PAX5: variants seen among roughly 807,000 people sequenced by gnomAD.
The protein encoded by PAX5 is paired box 5.
A neutral mutation model predicts 43.7 loss-of-function variants in PAX5; 9 were observed. The observed-to-expected ratio is 0.21, with a 90% CI of 0.12 to 0.36. PAX5 has a LOEUF of 0.36. Among genes scored for constraint, PAX5 ranks in the 10% least tolerant of loss-of-function variants. The pLI, the probability that PAX5 is intolerant of heterozygous loss-of-function variation, is 1.00. For missense variants in PAX5, 383 were observed against 532.7 expected (o/e 0.72, Z 2.77); for synonymous variants, 228 against 214.3 (o/e 1.06, Z -0.56).
At chr9:37,024,674 G>A (rs1016833608) in intron 1 of PAX5, among the ~76,000 whole-genome samples, 2 of 152,190 alleles carry the variant, frequency 1.3e-5, no homozygotes, top group African/African-American at 4.8e-5. Flanking sequence ...GATTGAAAAT[G>A]GGAGGGAGCA....
In PAX5 at chr9:36,990,269, T is replaced by C. The variant is rs73648184; in HGVS notation, c.604+12379A>G. Among the ~76,000 whole-genome samples the C allele has an allele frequency of 7.6e-3, 1,153 of 152,306 alleles. 11 individuals carry two copies. Among genetic ancestry groups the C allele is most frequent in the Middle Eastern group, 0.027 (8 of 294 alleles). On this transcript the variant is annotated intron_variant, in intron 5 of 9. Transcript: ENST00000358127. Reference sequence around the variant, plus strand: ...CAATTGGGAAACTGAGGCTCAGAGATTGGTCCAAGATTCCAGGAGTAGTCA... The same window carrying C: ...CAATTGGGAAACTGAGGCTCAGAGACTGGTCCAAGATTCCAGGAGTAGTCA...
intron 8 of PAX5, among the ~76,000 whole-genome samples, chr9:36,853,817 C>T (rs1823392474): frequency 6.6e-6 from 1 of 152,254 alleles, no homozygotes; most frequent in Non-Finnish European, 1.5e-5. Context: ...GAGGTGTTTT[C>T]AGCTTCCCCT....
In PAX5 at chr9:36,837,586, C is replaced by T. The variant is rs1387205387; in HGVS notation, c.*2974G>A. On this transcript the variant is annotated 3_prime_UTR_variant, in exon 10 of 10. Coordinates refer to ENST00000358127, the MANE Select transcript of PAX5 (RefSeq NM_016734.3). ...CTTGTGTCCTTTGGAGCCATCCTCA[C>T]CAAGCTCCCAGGCAGCTCCGCTGGA... 4.3e-6 allele frequency: 1 copy of T among 233,210 alleles called. No individual in the cohort carries two copies. The highest frequency in any genetic ancestry group is 2.2e-5 in the African/African-American group (1 of 45,344). 14.4% of individuals were successfully genotyped at this position (233,210 alleles called of 1,614,324 possible).
chr9:36,880,340 A>G (rs1486783961), intron 8 of PAX5, among the ~76,000 whole-genome samples: 2 of 152,228 alleles, frequency 1.3e-5, no homozygotes, highest in African/African-American at 2.4e-5. Flanking sequence ...CCAGGGATGC[A>G]CACACCAGTG....
chr9:36,953,444 A>G (rs1432771185), intron 6 of PAX5, among the ~76,000 whole-genome samples: 1 of 152,238 alleles, frequency 6.6e-6, no homozygotes, highest in South Asian at 2.1e-4. Context: ...TCCTTCCGGC[A>G]ACCTAATTAT....
intron 2 of PAX5, among the ~76,000 whole-genome samples, chr9:37,018,872 T>C (rs1042712676): frequency 6.6e-6 from 1 of 152,104 alleles, no homozygotes; most frequent in African/African-American, 2.4e-5. Flanking sequence ...CCATGGGAGA[T>C]TTGGAGGCTC....
intron 7 of PAX5, among the ~76,000 whole-genome samples, chr9:36,911,088 C>A (rs1829243517): frequency 6.6e-6 from 1 of 152,170 alleles, no homozygotes; most frequent in Non-Finnish European, 1.5e-5. Context: ...AGCTGGGCAC[C>A]ACTCCCTGAG....
chr9:37,020,836 G>A (rs752082351), intron 1 of PAX5, 35 bp from the exon 2 acceptor site: 3 of 1,610,570 alleles, frequency 1.9e-6, no homozygotes, highest in Admixed American at 3.3e-5. Flanking sequence ...AAAGGGAAAG[G>A]GTAGTTAGAA....
intron 9 of PAX5, among the ~76,000 whole-genome samples, chr9:36,845,025 A>G (rs565036345): frequency 6.6e-6 from 1 of 152,356 alleles, no homozygotes; most frequent in South Asian, 2.1e-4. Flanking sequence ...GCCCCGTGCC[A>G]GGGCTCAGGG....
intron 7 of PAX5, among the ~76,000 whole-genome samples, chr9:36,903,813 G>T (rs1008047469): frequency 6.6e-6 from 1 of 152,050 alleles, no homozygotes; most frequent in Non-Finnish European, 1.5e-5. Context: ...CATCAGTCCC[G>T]GCCCCTACAC....
chr9:37,005,640 A>G (rs993919390), intron 4 of PAX5, among the ~76,000 whole-genome samples: 8 of 152,234 alleles, frequency 5.3e-5, no homozygotes, highest in African/African-American at 1.9e-4. Flanking sequence ...AAGAAGGAAT[A>G]ACAAAAGTGT....
chr9:37,023,831 C>G (rs1211484538), intron 1 of PAX5, among the ~76,000 whole-genome samples: 1 of 152,120 alleles, frequency 6.6e-6, no homozygotes, highest in African/African-American at 2.4e-5. Context: ...CAAACAGGGG[C>G]ACAGGGAAAG....
At chr9:36,884,694 C>A (rs923996213) in intron 7 of PAX5, among the ~76,000 whole-genome samples, 4 of 152,142 alleles carry the variant, frequency 2.6e-5, no homozygotes, top group Non-Finnish European at 4.4e-5. Flanking sequence ...AGGGGGAAAC[C>A]CAAGATTATA....
chr9:36,973,161 A>G (rs2048486545), intron 5 of PAX5, among the ~76,000 whole-genome samples: 2 of 105,094 alleles, frequency 1.9e-5, no homozygotes, highest in African/African-American at 3.2e-5. Flanking sequence ...AAAGGAAAGG[A>G]AAGGAAAGGA....
chr9:36,906,162 C>T (rs1828807082), intron 7 of PAX5, among the ~76,000 whole-genome samples: 1 of 152,146 alleles, frequency 6.6e-6, no homozygotes, highest in African/African-American at 2.4e-5. Context: ...CCACCCCCCA[C>T]CCCAGGATGT....
Position 37,015,417 on chromosome 9 carries a change from A to C in PAX5, c.213-223T>G, listed in dbSNP as rs1292523833. On this transcript the variant is annotated intron_variant, in intron 2 of 9. Transcript: ENST00000358127. The surrounding 1 kb of genome is among the most constrained non-coding windows in gnomAD (Gnocchi z 4.4). ...CCAAATTTTTAAAACTTAGTACCAA[A>C]AGAAGTAAAATATCTCAATAATTTT... Among the ~76,000 whole-genome samples the C allele has an allele frequency of 6.6e-6, 1 of 152,198 alleles. No individual in the cohort carries two copies. Among genetic ancestry groups the C allele is most frequent in the Non-Finnish European group, 1.5e-5 (1 of 68,036 alleles).
rs879682947 is a variant in PAX5 at position 36,839,693 on chromosome 9, G to A, written c.*867C>T. On this transcript the variant is annotated 3_prime_UTR_variant, in exon 10 of 10. Transcript: ENST00000358127. ...TGGCTGGGATCAGATGATCTCCTGC[G>A]TCCCATCCAGCCCTCACATTCAAAG... is the stretch of plus-strand genomic sequence containing the variant. The A allele has an allele frequency of 2.6e-5, 6 of 233,200 alleles. No individual in the cohort carries two copies. Among genetic ancestry groups the A allele is most frequent in the South Asian group, 1.8e-4 (1 of 5,528 alleles). 14.4% of individuals were successfully genotyped at this position (233,200 alleles called of 1,614,324 possible). A position where few individuals can be genotyped will look rare whatever the true frequency, so the allele number is the denominator to read the frequency against.
intron 7 of PAX5, among the ~76,000 whole-genome samples, chr9:36,919,952 C>A (rs1430711454): frequency 1.3e-5 from 2 of 150,388 alleles, no homozygotes; most frequent in African/African-American, 2.5e-5. Context: ...TCATGGATGA[C>A]TTTGAGGGCT....
intron 8 of PAX5, among the ~76,000 whole-genome samples, chr9:36,874,572 A>G (rs1056265434): frequency 1.3e-5 from 2 of 152,186 alleles, no homozygotes; most frequent in African/African-American, 4.8e-5. Flanking sequence ...ATAGCCAAGC[A>G]CACATGGTTC....
Sources: gnomAD v4.1 joint callset for allele counts (sites outside exome capture counted in the v4.1 genomes callset) on GRCh38, gnomAD v4.1.1 for gene constraint, Gnocchi (gnomAD v3.1) non-coding constraint, MANE v1.5 for transcripts, NCBI Gene and HGNC (gene_info 2026-07-23, HGNC 2026-07-21) for gene names.